The following NRCAM variants were observed in gnomAD, a reference collection of about 807,000 sequenced individuals.
NRCAM encodes the protein neuronal cell adhesion molecule, also known as NgCAM-related cell adhesion molecule.
In NRCAM, 83 loss-of-function variants were observed where a neutral mutation model predicts 156.5. The observed-to-expected ratio is 0.53, with a 90% CI of 0.44 to 0.64. The LOEUF is 0.64. Among genes scored for constraint, NRCAM ranks in the 30% least tolerant of loss-of-function variants. The pLI, the probability that NRCAM is intolerant of heterozygous loss-of-function variation, is 0.00. For synonymous variants in NRCAM, 538 were observed against 563.9 expected, an observed-to-expected ratio of 0.95 and a Z score of 0.65; for missense variants, 1,417 against 1,597.3, an observed-to-expected ratio of 0.89 and a Z score of 1.92.
At chr7:108,430,966 G>A (rs1022065014) in intron 1 of NRCAM, among the ~76,000 whole-genome samples, 3 of 152,052 alleles carry the variant, frequency 2.0e-5, no homozygotes, top group African/African-American at 7.2e-5. Context: ...ATAAGCTCCA[G>A]GTGCATGGAT....
intron 1 of NRCAM, among the ~76,000 whole-genome samples, chr7:108,435,641 T>C (rs1160774653): frequency 6.6e-6 from 1 of 152,034 alleles, no homozygotes; most frequent in Non-Finnish European, 1.5e-5. Context: ...AAAAGGAAAA[T>C]GGTTATTAGG....
chr7:108,197,162 G>C (rs944989477), intron 14 of NRCAM, among the ~76,000 whole-genome samples: 2 of 152,138 alleles, frequency 1.3e-5, no homozygotes, highest in African/African-American at 4.8e-5. Context: ...ATCTAAAAAT[G>C]CTGAACTCAT....
At chr7:108,411,766 C>T (rs571428416) in intron 1 of NRCAM, among the ~76,000 whole-genome samples, 3 of 152,048 alleles carry the variant, frequency 2.0e-5, no homozygotes, top group South Asian at 4.2e-4. Context: ...CTCCCGACCT[C>T]GTGATCTGCC....
intron 2 of NRCAM, among the ~76,000 whole-genome samples, chr7:108,318,039 CTTTTTTTTTTT>C (rs779703662): frequency 6.9e-5 from 5 of 72,816 alleles, no homozygotes; most frequent in Non-Finnish European, 9.5e-5. Context: ...TTCACTTTTC[CTTTTTTTTTTT>C]TTTTTTTTTT....
chr7:108,357,117 T>C (rs1184633059), intron 2 of NRCAM, among the ~76,000 whole-genome samples: 3 of 152,194 alleles, frequency 2.0e-5, no homozygotes, highest in East Asian at 1.9e-4. Context: ...TATTCTATTA[T>C]AGTAGCCTGA....
chr7:108,325,637 T>A (rs553779621), intron 2 of NRCAM, among the ~76,000 whole-genome samples: 1 of 152,302 alleles, frequency 6.6e-6, no homozygotes, highest in South Asian at 2.1e-4. Flanking sequence ...TTAACGCTTA[T>A]CATGATCTAA....
chr7:108,232,300 A>G, intron 7 of NRCAM, 26 bp downstream of exon 7: 1 of 1,546,488 alleles, frequency 6.5e-7, no homozygotes, highest in Non-Finnish European at 8.8e-7. Flanking sequence ...AAAAAGGGTC[A>G]TGTTGGTTGA....
chr7:108,176,794 G>A (rs1041136889), intron 26 of NRCAM, 188 bp from the exon 27 acceptor site: 17 of 533,198 alleles, frequency 3.2e-5, no homozygotes, highest in African/African-American at 1.3e-4. Flanking sequence ...CTATCATATC[G>A]TATCATATCA....
Position 108,407,045 on chromosome 7 carries a change from A to C in NRCAM, c.-331-7452T>G, listed in dbSNP as rs538811233. Among the ~76,000 whole-genome samples the C allele has an allele frequency of 4.6e-5, 7 of 152,368 alleles. No individual in the cohort carries two copies. In the South Asian group the frequency reaches 1.2e-3, roughly 27 times the overall value. On this transcript the variant is annotated intron_variant, in intron 1 of 32. Transcript: ENST00000379028. ...ATTTTCCAAAATATAAAAAGTAAAG[A>C]AAAATTTTTAAAAGAAATTTAAACA... is the stretch of plus-strand genomic sequence containing the variant.
chr7:108,453,265 T>A (rs1342389827), intron 1 of NRCAM, among the ~76,000 whole-genome samples: 1 of 152,214 alleles, frequency 6.6e-6, no homozygotes, highest in Non-Finnish European at 1.5e-5. Flanking sequence ...TCTATTTATA[T>A]TCAATCTGTT....
rs528418450 is a variant in NRCAM at position 108,326,554 on chromosome 7, C to T, written c.-173-13823G>A. On this transcript the variant is annotated intron_variant, in intron 2 of 32. Coordinates refer to ENST00000379028, the MANE Select transcript of NRCAM (RefSeq NM_001037132.4). ...ACTATAATCAGGAAAGTCAAGAGAACTGGGCTAACAAAGTAGTAGAATTAA... is the reference window on the plus strand; with the variant it reads ...ACTATAATCAGGAAAGTCAAGAGAATTGGGCTAACAAAGTAGTAGAATTAA... 2.7e-4 allele frequency among the ~76,000 whole-genome samples: 41 copies of T among 152,208 alleles called. No homozygotes were observed. The South Asian group carries it at 8.3e-3, about 31-fold the overall frequency.
In NRCAM at chr7:108,194,320, C is replaced by A. The variant is rs200991017; in HGVS notation, c.1572G>T (p.Thr524=). The A allele has an allele frequency of 1.2e-6, 2 of 1,613,690 alleles. No homozygotes were observed. The highest frequency in any genetic ancestry group is 1.7e-5 in the Admixed American group (1 of 59,994). Residue 524 remains threonine, a synonymous_variant, in exon 16 of 33, where the codon ACG becomes ACT. Transcript: ENST00000379028. The part of the protein sequence containing the change: ...VAQKDSTGTY[T]CVARNKLGMA... ...TCCCTAATTTATTCCTTGCAACACA[C>A]GTATAAGTTCCTGTACTGTCCTTTT...
At position 108,383,154 on chromosome 7, in the gene NRCAM, A is replaced by ACC. The variant is rs1278946154; in HGVS notation, c.-174+16280_-174+16281dup. ...CACACGCTCTCACACACACACACACACCCCTTGGTGTTGCCTAGGCAAACA... is the reference window on the plus strand; with the variant it reads ...CACACGCTCTCACACACACACACACACCCCCCTTGGTGTTGCCTAGGCAAACA... On this transcript the variant is annotated intron_variant, in intron 2 of 32. Transcript: ENST00000379028. Among the ~76,000 whole-genome samples the ACC allele has an allele frequency of 1.5e-4, 11 of 72,378 alleles. No homozygotes were observed. In the East Asian group the frequency reaches 7.8e-3, roughly 51 times the overall value. 47.5% of individuals were successfully genotyped at this position (72,378 alleles called of 152,430 possible). A position where few individuals can be genotyped will look rare whatever the true frequency, so the allele number is the denominator to read the frequency against.
At chr7:108,171,933 T>C (rs923195892) in intron 28 of NRCAM, among the ~76,000 whole-genome samples, 1 of 152,184 alleles carries the variant, frequency 6.6e-6, no homozygotes, top group Non-Finnish European at 1.5e-5. Flanking sequence ...AGTAAAATAA[T>C]GTAGTGAGAG....
At chr7:108,202,068 A>T (rs1240814686) in intron 13 of NRCAM, among the ~76,000 whole-genome samples, 1 of 152,192 alleles carries the variant, frequency 6.6e-6, no homozygotes, top group Admixed American at 6.5e-5. Context: ...TAGCATGCAA[A>T]TCCAAATTAT....
chr7:108,282,718 G>GGAGAGAAA (rs2097906374), intron 3 of NRCAM, among the ~76,000 whole-genome samples: 1 of 151,678 alleles, frequency 6.6e-6, no homozygotes, highest in African/African-American at 2.4e-5. Flanking sequence ...GGGGGCACAG[G>GGAGAGAAA]GAGAAAAAGA....
intron 17 of NRCAM, among the ~76,000 whole-genome samples, chr7:108,192,442 A>G (rs2072522564): frequency 6.6e-6 from 1 of 152,126 alleles, no homozygotes. Flanking sequence ...TAAAGTGCAC[A>G]GTAAATGTAA....
At chr7:108,453,652 G>T (rs76897627) in intron 1 of NRCAM, among the ~76,000 whole-genome samples, 16 of 152,164 alleles carry the variant, frequency 1.1e-4, no homozygotes, top group Non-Finnish European at 2.1e-4. Flanking sequence ...TATGTAAAAT[G>T]TTTAGCAACT....
intron 9 of NRCAM, 108 bp downstream of exon 9, chr7:108,226,100 T>C (rs2093404093): frequency 1.3e-6 from 1 of 760,532 alleles, no homozygotes; most frequent in African/African-American, 1.7e-5. Context: ...GGTGGCTTCC[T>C]GATAATGAAC....
Sources: allele counts gnomAD v4.1 joint callset (sites outside exome capture counted in the v4.1 genomes callset), GRCh38; gene constraint gnomAD v4.1.1; transcripts MANE v1.5; gene names NCBI Gene and HGNC (gene_info 2026-07-23, HGNC 2026-07-21).